The following NTRK3 variants were observed in gnomAD, a reference collection of about 807,000 sequenced individuals.
NTRK3 encodes the protein NT-3 growth factor receptor.
A neutral mutation model predicts 91.7 loss-of-function variants in NTRK3; 24 were observed. The ratio of observed to expected loss-of-function variants is 0.26; its 90% CI spans 0.19 to 0.37. The LOEUF (loss-of-function observed/expected upper bound fraction) is 0.37. Ranked by LOEUF, NTRK3 falls within the 10% of genes least tolerant of loss-of-function variation. NTRK3 has a pLI of 1.00. For missense variants in NTRK3, 880 were observed against 1,068.9 expected, an observed-to-expected ratio of 0.82 and a Z score of 2.46; for synonymous variants, 483 against 404.0, an observed-to-expected ratio of 1.20 and a Z score of -2.34.
intron 10 of NTRK3, among the ~76,000 whole-genome samples, chr15:88,131,163 G>A (rs894693595): frequency 5.9e-5 from 9 of 152,314 alleles, no homozygotes; most frequent in African/African-American, 1.4e-4. Flanking sequence ...TTCAGCAGAC[G>A]CTGATGCTGC....
At chr15:88,168,492 G>A (rs1267001906) in intron 5 of NTRK3, among the ~76,000 whole-genome samples, 3 of 152,250 alleles carry the variant, frequency 2.0e-5, no homozygotes, top group Non-Finnish European at 4.4e-5. Flanking sequence ...ATGTCTGACT[G>A]TATAATTACA....
At chr15:88,124,387 C>T (rs2053061761) in intron 13 of NTRK3, among the ~76,000 whole-genome samples, 1 of 152,154 alleles carries the variant, frequency 6.6e-6, no homozygotes, top group South Asian at 2.1e-4. Flanking sequence ...CCTAATCCAT[C>T]CGACATGGGG....
intron 14 of NTRK3, among the ~76,000 whole-genome samples, chr15:87,994,421 C>T (rs1167718102): frequency 1.3e-5 from 2 of 152,156 alleles, no homozygotes; most frequent in African/African-American, 4.8e-5. Flanking sequence ...ACGCACAGAA[C>T]ACCATGTGAA....
intron 14 of NTRK3, among the ~76,000 whole-genome samples, chr15:87,961,088 G>A (rs751233454): frequency 6.6e-6 from 1 of 152,098 alleles, no homozygotes; most frequent in Non-Finnish European, 1.5e-5. Flanking sequence ...TGGCCTCTCT[G>A]ATCATTAGCA....
At chr15:88,162,821 A>C (rs1053228701) in intron 5 of NTRK3, among the ~76,000 whole-genome samples, 1 of 151,788 alleles carries the variant, frequency 6.6e-6, no homozygotes, top group Non-Finnish European at 1.5e-5. Flanking sequence ...TTTTTCCAGT[A>C]CCTCCCACCC....
intron 14 of NTRK3, among the ~76,000 whole-genome samples, chr15:88,016,985 C>A (rs1359408763): frequency 6.8e-6 from 1 of 146,770 alleles, no homozygotes; most frequent in Non-Finnish European, 1.5e-5. Flanking sequence ...AAAAAAGCCC[C>A]TGACCAAATT....
chr15:88,059,718 C>T (rs573695646), intron 13 of NTRK3, among the ~76,000 whole-genome samples: 6 of 152,120 alleles, frequency 3.9e-5, no homozygotes, highest in African/African-American at 1.2e-4. Context: ...GTGTTACAAG[C>T]TAAATTGTGA....
chr15:88,004,869 C>T (rs1473985596), intron 14 of NTRK3, among the ~76,000 whole-genome samples: 2 of 152,160 alleles, frequency 1.3e-5, no homozygotes, highest in Non-Finnish European at 2.9e-5. Flanking sequence ...TTCAACTCCT[C>T]TTGATCTGTG....
At chr15:88,115,489 G>C (rs1187231598) in intron 13 of NTRK3, among the ~76,000 whole-genome samples, 1 of 152,188 alleles carries the variant, frequency 6.6e-6, no homozygotes, top group Non-Finnish European at 1.5e-5. Context: ...GAACCACCCG[G>C]ACGCCCTCCT....
chr15:87,957,761 A>G (rs1461043979), intron 14 of NTRK3, among the ~76,000 whole-genome samples: 1 of 152,236 alleles, frequency 6.6e-6, no homozygotes, highest in Non-Finnish European at 1.5e-5. Flanking sequence ...AGAGGACTGA[A>G]TCATTTTAAG....
At position 87,965,379 on chromosome 15, in the gene NTRK3, G is replaced by C. The variant is rs150046818; in HGVS notation, c.1586-24626C>G. Among the ~76,000 whole-genome samples, 1,205 of 152,316 alleles carry C rather than the reference G, an allele frequency of 7.9e-3. 24 individuals are homozygous for C. Among genetic ancestry groups the C allele is most frequent in the African/African-American group, 0.028 (1,176 of 41,562 alleles). On this transcript the variant is annotated intron_variant, in intron 14 of 18. Transcript: ENST00000394480. Reference sequence around the variant, plus strand: ...GTGACAGAGAGATATTCTCACAATAGTCCACAGATGGGGAGCCGGGAAGGG... The same window carrying C: ...GTGACAGAGAGATATTCTCACAATACTCCACAGATGGGGAGCCGGGAAGGG...
intron 3 of NTRK3, among the ~76,000 whole-genome samples, chr15:88,226,129 G>A (rs896051593): frequency 1.3e-5 from 2 of 152,202 alleles, no homozygotes; most frequent in African/African-American, 4.8e-5. Flanking sequence ...TCAGGCCTCA[G>A]TTTCCTCATC....
At chr15:88,207,947 C>G (rs971264730) in intron 3 of NTRK3, among the ~76,000 whole-genome samples, 16 of 152,214 alleles carry the variant, frequency 1.1e-4, no homozygotes, top group African/African-American at 3.6e-4. Context: ...CTTGTGGATT[C>G]TGGGAGGCCA....
chr15:88,165,196 C>G (rs898466418), intron 5 of NTRK3, among the ~76,000 whole-genome samples: 1 of 152,166 alleles, frequency 6.6e-6, no homozygotes, highest in South Asian at 2.1e-4. Context: ...GGCTGGCACT[C>G]TCAGGAATAA....
At chr15:87,952,889 T>C (rs1383373958) in intron 14 of NTRK3, among the ~76,000 whole-genome samples, 3 of 141,860 alleles carry the variant, frequency 2.1e-5, no homozygotes, top group Non-Finnish European at 4.6e-5. Context: ...GCTCTGGCCC[T>C]CACCCTGTAT....
chr15:87,881,504 C>T (rs1470815165), intron 17 of NTRK3, among the ~76,000 whole-genome samples: 1 of 151,970 alleles, frequency 6.6e-6, no homozygotes, highest in Admixed American at 6.6e-5. Context: ...ACTGCCAGCT[C>T]CACCTCCCGG....
At chr15:87,946,874 C>CTTTTT (rs560114979) in intron 14 of NTRK3, among the ~76,000 whole-genome samples, 126 of 85,436 alleles carry the variant, frequency 1.5e-3, no homozygotes, top group Middle Eastern at 0.012. Flanking sequence ...TTCGTGGGTT[C>CTTTTT]TTTTTTTTTT....
At chr15:87,911,094 A>T (rs191518738) in intron 17 of NTRK3, among the ~76,000 whole-genome samples, 2 of 152,258 alleles carry the variant, frequency 1.3e-5, no homozygotes, top group East Asian at 3.9e-4. Flanking sequence ...AGGAGGGAGA[A>T]ATGCCTCAAG....
chr15:87,947,278 G>A (rs1490076572), intron 14 of NTRK3, among the ~76,000 whole-genome samples: 1 of 152,132 alleles, frequency 6.6e-6, no homozygotes. Flanking sequence ...TCCCCTAGCT[G>A]TTAGAGGTGT....
Sources: gnomAD v4.1 joint callset for allele counts (sites outside exome capture counted in the v4.1 genomes callset) on GRCh38, gnomAD v4.1.1 for gene constraint, MANE v1.5 for transcripts, NCBI Gene and HGNC (gene_info 2026-07-23, HGNC 2026-07-21) for gene names.